The following NLGN1 variants were observed in gnomAD, a reference collection of about 807,000 sequenced individuals.
NLGN1 encodes neuroligin 1.
NLGN1 carries 12 observed loss-of-function variants against 65.5 expected under a neutral mutation model. The observed-to-expected ratio is 0.18, with a 90% CI of 0.12 to 0.30. The LOEUF is 0.30. Among genes scored for constraint, NLGN1 ranks in the 10% least tolerant of loss-of-function variants. NLGN1 has a pLI of 1.00. For missense variants in NLGN1, 750 were observed against 1,007.1 expected, an observed-to-expected ratio of 0.74 and a Z score of 3.46; for synonymous variants, 350 against 359.5, an observed-to-expected ratio of 0.97 and a Z score of 0.30.
intron 4 of NLGN1, among the ~76,000 whole-genome samples, chr3:174,196,151 A>G (rs993679): frequency 0.53 from 81,218 of 151,970 alleles, 22,421 homozygotes; most frequent in East Asian, 0.82. Flanking sequence ...CATTCACTTA[A>G]CAAGCATAAT....
At chr3:173,804,900 C>T (rs550007265) in intron 3 of NLGN1, among the ~76,000 whole-genome samples, 1 of 152,158 alleles carries the variant, frequency 6.6e-6, no homozygotes, top group Admixed American at 6.6e-5. Flanking sequence ...GTAGTAGGCG[C>T]CTGTAATCCC....
intron 2 of NLGN1, among the ~76,000 whole-genome samples, chr3:173,487,699 A>G (rs1728395462): frequency 6.6e-6 from 1 of 152,040 alleles, no homozygotes; most frequent in Non-Finnish European, 1.5e-5. Flanking sequence ...TGTGTATTAC[A>G]CATTTTATCT....
At chr3:174,063,219 CTG>C (rs1737784828) in intron 4 of NLGN1, among the ~76,000 whole-genome samples, 1 of 152,110 alleles carries the variant, frequency 6.6e-6, no homozygotes, top group African/African-American at 2.4e-5. Context: ...TGTTGAAAGA[CTG>C]TGAAAACTGA....
intron 4 of NLGN1, among the ~76,000 whole-genome samples, chr3:173,862,158 CAG>C (rs1729233450): frequency 6.6e-6 from 1 of 151,996 alleles, no homozygotes; most frequent in African/African-American, 2.4e-5. Context: ...TATATACAGA[CAG>C]AGGATTACTG....
chr3:173,895,338 A>T (rs1358048828), intron 4 of NLGN1, among the ~76,000 whole-genome samples: 1 of 152,222 alleles, frequency 6.6e-6, no homozygotes, highest in East Asian at 1.9e-4. Context: ...TTTATTACAA[A>T]GGCATCAAGA....
intron 3 of NLGN1, among the ~76,000 whole-genome samples, chr3:173,759,467 C>T (rs1219858543): frequency 2.0e-5 from 3 of 151,886 alleles, no homozygotes; most frequent in African/African-American, 4.8e-5. Context: ...AGTGGAGTCA[C>T]TGCTATGTAT....
At chr3:174,102,551 T>G (rs556785312) in intron 4 of NLGN1, among the ~76,000 whole-genome samples, 8 of 152,130 alleles carry the variant, frequency 5.3e-5, no homozygotes, top group Non-Finnish European at 8.8e-5. Flanking sequence ...ATGAGAGCCG[T>G]ATTCAAATGC....
At chr3:174,274,498 AC>A (rs1390781949) in intron 4 of NLGN1, among the ~76,000 whole-genome samples, 1 of 150,216 alleles carries the variant, frequency 6.7e-6, no homozygotes, top group Non-Finnish European at 1.5e-5. Flanking sequence ...AGATCCTTAA[AC>A]TCTCTCCCCT....
At chr3:173,417,589 T>C (rs566818140) in intron 1 of NLGN1, among the ~76,000 whole-genome samples, 1 of 151,948 alleles carries the variant, frequency 6.6e-6, no homozygotes, top group African/African-American at 2.4e-5. Context: ...TAGGAATTAT[T>C]TTGAGTTGCT....
In NLGN1 at chr3:173,677,806, A is replaced by C. The variant is rs140042503; in HGVS notation, c.493+72715A>C. Among the ~76,000 whole-genome samples, 226 of 152,228 alleles carry C rather than the reference A, an allele frequency of 1.5e-3. 1 individual carries two copies. Among genetic ancestry groups the C allele is most frequent in the Non-Finnish European group, 3.0e-3 (206 of 67,974 alleles). On this transcript the variant is annotated intron_variant, in intron 3 of 6. Transcript: ENST00000457714. ...ACAATCCTTCCTGAATTCTGTATTA[A>C]TGTCTACATTAGGTAGGTACAGCAA...
intron 2 of NLGN1, among the ~76,000 whole-genome samples, chr3:173,571,473 T>G (rs1326182092): frequency 6.6e-6 from 1 of 152,238 alleles, no homozygotes; most frequent in African/African-American, 2.4e-5. Flanking sequence ...TGTTGCATTT[T>G]TCTTGGCTCA....
intron 4 of NLGN1, among the ~76,000 whole-genome samples, chr3:173,891,902 T>A (rs527602424): frequency 4.7e-5 from 7 of 149,884 alleles, no homozygotes; most frequent in Admixed American, 2.0e-4. Context: ...CGGTGAGTAA[T>A]AAATACTTGA....
intron 4 of NLGN1, among the ~76,000 whole-genome samples, chr3:173,903,192 G>A (rs970251428): frequency 6.6e-5 from 10 of 152,074 alleles, no homozygotes; most frequent in African/African-American, 2.2e-4. Context: ...CTTTTTGGAG[G>A]GTAATGGCCT....
At chr3:174,278,827 G>A (rs750054323) in intron 5 of NLGN1, 34 bp from the exon 6 acceptor site, 2 of 1,451,388 alleles carry the variant, frequency 1.4e-6, no homozygotes, top group Non-Finnish European at 1.8e-6. Context: ...ATTACCCAAA[G>A]ATCATCTAAA....
intron 3 of NLGN1, among the ~76,000 whole-genome samples, chr3:173,715,135 A>C (rs937702676): frequency 6.6e-6 from 1 of 152,110 alleles, no homozygotes; most frequent in African/African-American, 2.4e-5. Context: ...ATTTTGGTGG[A>C]ATCAGTAAGA....
intron 3 of NLGN1, among the ~76,000 whole-genome samples, chr3:173,762,451 A>G (rs558551625): frequency 1.2e-4 from 18 of 152,238 alleles, no homozygotes; most frequent in African/African-American, 4.3e-4. Flanking sequence ...AGTGATTAAA[A>G]TCTAGATGAG....
chr3:173,984,270 A>G (rs1329691916), intron 4 of NLGN1, among the ~76,000 whole-genome samples: 1 of 152,174 alleles, frequency 6.6e-6, no homozygotes, highest in Non-Finnish European at 1.5e-5. Context: ...CTTGGGCCAA[A>G]TAATCAAAGA....
At chr3:173,775,714 G>C (rs1560344493) in intron 3 of NLGN1, among the ~76,000 whole-genome samples, 4 of 152,228 alleles carry the variant, frequency 2.6e-5, no homozygotes, top group Admixed American at 2.6e-4. Flanking sequence ...TTAAATGGAA[G>C]AATGGACATG....
chr3:173,452,473 C>T (rs551614912), intron 2 of NLGN1, among the ~76,000 whole-genome samples: 27 of 152,272 alleles, frequency 1.8e-4, no homozygotes, highest in Admixed American at 7.8e-4. Flanking sequence ...GCGTGAGCCG[C>T]GGTGCCTGGC....
Sources: allele counts gnomAD v4.1 joint callset (sites outside exome capture counted in the v4.1 genomes callset), GRCh38; gene constraint gnomAD v4.1.1; transcripts MANE v1.5; gene names NCBI Gene and HGNC (gene_info 2026-07-23, HGNC 2026-07-21).